Variants in RGS22 observed in about 807,000 individuals in gnomAD.
RGS22 encodes regulator of G-protein signaling 22.
In RGS22, 148 loss-of-function variants were observed where a neutral mutation model predicts 172.9. The observed-to-expected ratio is 0.86, with a 90% CI of 0.75 to 0.98. The LOEUF is 0.98. RGS22 is among the 50% of genes least tolerant of loss of function. The pLI is 0.00. For synonymous variants in RGS22, 458 were observed against 480.2 expected (o/e 0.95, Z 0.60); for missense variants, 1,347 against 1,440.8 (o/e 0.93, Z 1.05).
At chr8:100,104,414 G>C (rs553662606) in intron 2 of RGS22, among the ~76,000 whole-genome samples, 1 of 150,778 alleles carries the variant, frequency 6.6e-6, no homozygotes, top group Admixed American at 6.6e-5. Flanking sequence ...AAGATGGAAG[G>C]AATTTCTGAC....
At chr8:100,038,091 G>C (rs1819693763) in intron 14 of RGS22, among the ~76,000 whole-genome samples, 1 of 152,192 alleles carries the variant, frequency 6.6e-6, no homozygotes, top group Admixed American at 6.5e-5. Context: ...TGTTCAGGGG[G>C]AGGTCCTCTG....
chr8:100,103,896 G>A (rs1813697616), intron 2 of RGS22, among the ~76,000 whole-genome samples: 1 of 152,230 alleles, frequency 6.6e-6, no homozygotes, highest in Admixed American at 6.5e-5. Flanking sequence ...AACAGTAAGT[G>A]GCGTGTTGTT....
intron 4 of RGS22, among the ~76,000 whole-genome samples, chr8:100,076,854 A>G (rs952685175): frequency 4.6e-5 from 7 of 152,138 alleles, no homozygotes; most frequent in Non-Finnish European, 8.8e-5. Flanking sequence ...GTATCTGTGC[A>G]TGGTGGCATA....
At position 100,034,454 on chromosome 8, in the gene RGS22, C is replaced by T. The variant is rs113212414; in HGVS notation, c.2166+4477G>A. On this transcript the variant is annotated intron_variant, in intron 14 of 27. Transcript: ENST00000360863. ...AGGAGAACTATAAATCACTGCTCAA[C>T]GAAATAAAAGAGGACACAAACAAAT... Among the ~76,000 whole-genome samples the T allele has an allele frequency of 2.8e-4, 42 of 151,958 alleles. 1 individual carries two copies. In the South Asian group the frequency reaches 4.6e-3, roughly 17 times the overall value.
At chr8:99,963,524 T>C (rs1216350380) in intron 24 of RGS22, among the ~76,000 whole-genome samples, 1 of 152,260 alleles carries the variant, frequency 6.6e-6, no homozygotes, top group Admixed American at 6.5e-5. Context: ...GTGCAAAATC[T>C]ATCTAAAACA....
intron 4 of RGS22, among the ~76,000 whole-genome samples, chr8:100,075,840 C>T (rs925535407): frequency 1.3e-5 from 2 of 152,174 alleles, no homozygotes; most frequent in African/African-American, 4.8e-5. Context: ...ACAATTGCAG[C>T]AGCAGTGTAT....
chr8:100,091,309 A>G (rs576179736), intron 3 of RGS22, among the ~76,000 whole-genome samples: 10 of 152,020 alleles, frequency 6.6e-5, no homozygotes, highest in South Asian at 6.2e-4. Context: ...AAAAAAAAAA[A>G]AGAGGAGGTA....
chr8:100,055,579 C>T (rs1822155554), intron 9 of RGS22, among the ~76,000 whole-genome samples: 2 of 152,130 alleles, frequency 1.3e-5, no homozygotes, highest in Non-Finnish European at 2.9e-5. Context: ...GGCTCTGTGT[C>T]CCCACCCAAA....
Position 99,981,895 on chromosome 8 carries a change from TCTATTTTAAAATATGCTTAGCCAC to T in RGS22, c.3360+18_3360+41del. On this transcript the variant is annotated intron_variant, in intron 22 of 27. Transcript: ENST00000360863. ...TATCTATCTTTAAAAGGATTGTCAA[TCTATTTTAAAATATGCTTAGCCAC>T]ATGCCCTGATCTCTTACCTGTGCCT... 1 of 1,526,416 alleles carries T rather than the reference TCTATTTTAAAATATGCTTAGCCAC, an allele frequency of 6.6e-7. No homozygotes were observed. Among genetic ancestry groups the T allele is most frequent in the Non-Finnish European group, 8.9e-7 (1 of 1,126,494 alleles). 94.6% of individuals were successfully genotyped at this position (1,526,416 alleles called of 1,614,324 possible).
At chr8:99,995,803 C>T (rs1814298745) in intron 20 of RGS22, among the ~76,000 whole-genome samples, 1 of 152,196 alleles carries the variant, frequency 6.6e-6, no homozygotes. Flanking sequence ...TATAAAGACA[C>T]ATGCACACGT....
At chr8:100,085,301 G>C (rs1812082526) in intron 3 of RGS22, among the ~76,000 whole-genome samples, 2 of 151,748 alleles carry the variant, frequency 1.3e-5, no homozygotes. Context: ...TTAATATATT[G>C]AGTGAGCCAA....
intron 2 of RGS22, among the ~76,000 whole-genome samples, chr8:100,102,806 T>C (rs1813602748): frequency 6.6e-6 from 1 of 152,212 alleles, no homozygotes; most frequent in African/African-American, 2.4e-5. Context: ...AATGTTGTCT[T>C]TATCACAGAG....
rs574644617 is a variant in RGS22 at position 100,034,906 on chromosome 8, G to A, written c.2166+4025C>T. Among the ~76,000 whole-genome samples the A allele has an allele frequency of 3.8e-4, 58 of 152,318 alleles. No homozygotes were observed. The East Asian group carries it at 0.011, about 28-fold the overall frequency. On this transcript the variant is annotated intron_variant, in intron 14 of 27. Transcript: ENST00000360863. ...TGCTGGGAAAACTGGCTAGCCATAT[G>A]TAAAAAGCTGAAACTGGATCCCCTC...
At chr8:100,099,269 A>G (rs1813278241) in intron 2 of RGS22, among the ~76,000 whole-genome samples, 1 of 152,134 alleles carries the variant, frequency 6.6e-6, no homozygotes, top group Non-Finnish European at 1.5e-5. Context: ...AATTATACCT[A>G]CTAGGCTTAA....
chr8:100,060,419 T>TATATATATATATATATATATATATATAC (rs1554629620), intron 9 of RGS22, among the ~76,000 whole-genome samples: 1 of 128,018 alleles, frequency 7.8e-6, no homozygotes, highest in African/African-American at 2.8e-5. Context: ...TATATATATA[T>TATATATATATATATATATATATATATAC]ATACACACAC....
intron 14 of RGS22, among the ~76,000 whole-genome samples, chr8:100,012,290 T>C (rs1370273744): frequency 6.6e-6 from 1 of 152,036 alleles, no homozygotes; most frequent in South Asian, 2.1e-4. Flanking sequence ...GAGAAGGGCA[T>C]GTAGAGTAGT....
intron 14 of RGS22, among the ~76,000 whole-genome samples, chr8:100,018,989 C>CAAAAA (rs5893504): frequency 2.7e-5 from 4 of 146,904 alleles, no homozygotes; most frequent in Non-Finnish European, 3.0e-5. Flanking sequence ...ATGTCAAAAG[C>CAAAAA]AAAAAAAAAA....
chr8:100,096,056 C>T (rs1037593226), intron 2 of RGS22, among the ~76,000 whole-genome samples: 3 of 152,170 alleles, frequency 2.0e-5, no homozygotes, highest in African/African-American at 7.2e-5. Flanking sequence ...TATCTTGTCA[C>T]ATCACTAAGC....
intron 20 of RGS22, among the ~76,000 whole-genome samples, 158 bp downstream of exon 20, chr8:99,996,304 A>G (rs1006721063): frequency 2.6e-5 from 4 of 152,172 alleles, no homozygotes; most frequent in African/African-American, 7.2e-5. Flanking sequence ...ATTTTCCTCC[A>G]AATTCCATTC....
Sources: allele counts gnomAD v4.1 joint callset (sites outside exome capture counted in the v4.1 genomes callset), GRCh38; gene constraint gnomAD v4.1.1; transcripts MANE v1.5; gene names NCBI Gene and HGNC (gene_info 2026-07-23, HGNC 2026-07-21).